Variants in ASAP2 observed in about 807,000 individuals in gnomAD.
ASAP2 encodes the protein arf-GAP with SH3 domain, ANK repeat and PH domain-containing protein 2.
Under a neutral mutation model 131.4 loss-of-function variants are expected in ASAP2, and 45 were observed. The observed-to-expected ratio is 0.34, with a 90% CI of 0.27 to 0.44. The LOEUF (loss-of-function observed/expected upper bound fraction) is 0.44, where lower values mean the gene tolerates loss of function less well. ASAP2 is among the 20% of genes least tolerant of loss of function. ASAP2 has a pLI of 1.00. For synonymous variants in ASAP2, 510 were observed against 503.0 expected (o/e 1.01, Z -0.19); for missense variants, 1,011 against 1,297.0 (o/e 0.78, Z 3.39).
At chr2:9,299,677 G>A (rs1316544141) in intron 3 of ASAP2, among the ~76,000 whole-genome samples, 1 of 152,220 alleles carries the variant, frequency 6.6e-6, no homozygotes, top group East Asian at 1.9e-4. Context: ...GGCTGACGAC[G>A]TAGGAGACGG....
chr2:9,356,175 C>T lies in ASAP2; in HGVS notation c.1161-4C>T. The T allele has an allele frequency of 5.6e-6, 9 of 1,613,764 alleles. No homozygotes were observed. Among genetic ancestry groups the T allele is most frequent in the Non-Finnish European group, 7.6e-6 (9 of 1,179,830 alleles). On this transcript the variant is annotated splice_polypyrimidine_tract_variant and splice_region_variant and intron_variant, in intron 13 of 27. Coordinates refer to ENST00000281419, the MANE Select transcript of ASAP2 (RefSeq NM_003887.3). ...TTAACACAGCGTTGCTCTTGTTTTT[C>T]TAGATGGATGTCTGTGCTGCAAAAT...
At position 9,311,704 on chromosome 2, in the gene ASAP2, C is replaced by T. The variant is rs959323387; in HGVS notation, c.346-6820C>T. On this transcript the variant is annotated intron_variant, in intron 3 of 27. Coordinates refer to ENST00000281419, the MANE Select transcript of ASAP2 (RefSeq NM_003887.3). The surrounding 1 kb of genome is among the most constrained non-coding windows in gnomAD (Gnocchi z 5.2). ...GGCCAGAACTCGAGGATGGCTCGTT[C>T]GGCTGCGGGCCTGAGGCTGCTGGAC... 3.9e-5 allele frequency among the ~76,000 whole-genome samples: 6 copies of T among 152,322 alleles called. No individual in the cohort carries two copies. The highest frequency in any genetic ancestry group is 6.5e-5 in the Admixed American group (1 of 15,306).
At chr2:9,261,114 C>G (rs1000283694) in intron 1 of ASAP2, among the ~76,000 whole-genome samples, 41 of 152,268 alleles carry the variant, frequency 2.7e-4, no homozygotes, top group African/African-American at 7.9e-4. Flanking sequence ...GGACAGCACT[C>G]TTGGTGTGGA....
intron 1 of ASAP2, among the ~76,000 whole-genome samples, chr2:9,245,722 C>G (rs1444683640): frequency 6.6e-6 from 1 of 152,150 alleles, no homozygotes; most frequent in East Asian, 1.9e-4. Context: ...GCTTTCCTTC[C>G]TCCCGTCTCT....
At chr2:9,380,718 C>G in intron 19 of ASAP2, 23 bp from the exon 20 acceptor site, 1 of 1,613,934 alleles carries the variant, frequency 6.2e-7, no homozygotes, top group Non-Finnish European at 8.5e-7. Flanking sequence ...TTAACGCCTC[C>G]TTTGCTCGCC....
chr2:9,322,204 T>C (rs1406650627), intron 5 of ASAP2, among the ~76,000 whole-genome samples: 2 of 152,206 alleles, frequency 1.3e-5, no homozygotes, highest in Non-Finnish European at 2.9e-5. Context: ...CTTCAAATTA[T>C]TGAGAACCTA....
At chr2:9,254,089 C>T (rs1159238604) in intron 1 of ASAP2, among the ~76,000 whole-genome samples, 14 of 149,362 alleles carry the variant, frequency 9.4e-5, no homozygotes, top group African/African-American at 3.5e-4. Context: ...TCCTGTAGTC[C>T]CAGTTACTCA....
intron 15 of ASAP2, among the ~76,000 whole-genome samples, chr2:9,363,394 A>G (rs918632310): frequency 9.2e-5 from 14 of 152,190 alleles, no homozygotes; most frequent in Admixed American, 2.6e-4. Context: ...AATAATTTAC[A>G]TTCCCACCCA....
At chr2:9,303,183 G>A (rs1246785776) in intron 3 of ASAP2, among the ~76,000 whole-genome samples, 2 of 152,120 alleles carry the variant, frequency 1.3e-5, no homozygotes, top group African/African-American at 4.8e-5. Context: ...TTTTTGGGAG[G>A]AAGATTTAAG....
intron 26 of ASAP2, 23 bp downstream of exon 26, chr2:9,400,853 T>G (rs1676601585): frequency 1.9e-6 from 3 of 1,603,988 alleles, no homozygotes; most frequent in Non-Finnish European, 2.6e-6. Context: ...CCCCCTTTCC[T>G]GCCTCTCTGC....
intron 17 of ASAP2, among the ~76,000 whole-genome samples, chr2:9,375,788 A>G (rs938970901): frequency 2.6e-5 from 4 of 152,374 alleles, no homozygotes; most frequent in African/African-American, 9.6e-5. Context: ...ATCTGCAAGC[A>G]GGTTTAACCT....
chr2:9,344,322 C>T (rs990219937), intron 9 of ASAP2, among the ~76,000 whole-genome samples: 11 of 152,172 alleles, frequency 7.2e-5, no homozygotes, highest in Non-Finnish European at 1.5e-5. Flanking sequence ...GGTTTCCTGA[C>T]ATTTCCTTCT....
At chr2:9,382,264 G>A (rs1376846285) in intron 20 of ASAP2, among the ~76,000 whole-genome samples, 3 of 152,152 alleles carry the variant, frequency 2.0e-5, no homozygotes, top group Non-Finnish European at 2.9e-5. Flanking sequence ...GATTATAGGC[G>A]TGAGCCACCA....
At chr2:9,222,471 G>A (rs1421568194) in intron 1 of ASAP2, among the ~76,000 whole-genome samples, 1 of 152,202 alleles carries the variant, frequency 6.6e-6, no homozygotes, top group East Asian at 1.9e-4. Context: ...GCTGGTGAGT[G>A]TGGCTGGTGT....
Position 9,279,406 on chromosome 2 carries a change from C to G in ASAP2, c.199+17C>G. 1.2e-6 allele frequency: 2 copies of G among 1,609,620 alleles called. No individual in the cohort carries two copies. Among genetic ancestry groups the G allele is most frequent in the South Asian group, 1.1e-5 (1 of 90,960 alleles). ...CTGGGCTGGGTGAGTATACATCCTTCCCTAGAGGTTTCTGTGTGGAAAATG... is the reference window on the plus strand; with the variant it reads ...CTGGGCTGGGTGAGTATACATCCTTGCCTAGAGGTTTCTGTGTGGAAAATG... On this transcript the variant is annotated intron_variant, in intron 2 of 27. Coordinates refer to ENST00000281419, the MANE Select transcript of ASAP2 (RefSeq NM_003887.3).
In ASAP2 at chr2:9,304,679, G is replaced by A. The variant is rs549264762; in HGVS notation, c.345+7234G>A. Among the ~76,000 whole-genome samples, 5 of 150,866 alleles carry A rather than the reference G, an allele frequency of 3.3e-5. No homozygotes were observed. In the East Asian group the frequency reaches 7.9e-4, roughly 24 times the overall value. Reference sequence around the variant, plus strand: ...TAGTATTGAGGTATAGATATTGGTGGAGGGGGTGTAATAGTGGGGTATAGA... The same window carrying A: ...TAGTATTGAGGTATAGATATTGGTGAAGGGGGTGTAATAGTGGGGTATAGA... On this transcript the variant is annotated intron_variant, in intron 3 of 27. Transcript: ENST00000281419.
At chr2:9,222,039 C>T (rs1271486193) in intron 1 of ASAP2, among the ~76,000 whole-genome samples, 5 of 151,700 alleles carry the variant, frequency 3.3e-5, no homozygotes, top group East Asian at 1.9e-4. Context: ...CTGCCCGCCT[C>T]GGCCTCCCAA....
chr2:9,229,062 G>A (rs1394543429), intron 1 of ASAP2, among the ~76,000 whole-genome samples: 2 of 152,084 alleles, frequency 1.3e-5, no homozygotes, highest in Non-Finnish European at 2.9e-5. Flanking sequence ...GGCTAGGGGC[G>A]GAAAGTGGAC....
intron 1 of ASAP2, among the ~76,000 whole-genome samples, chr2:9,236,701 A>G (rs1663575758): frequency 6.6e-6 from 1 of 152,208 alleles, no homozygotes; most frequent in African/African-American, 2.4e-5. Flanking sequence ...GTGTGTATGT[A>G]TGAGAGACAC....
Sources: allele counts gnomAD v4.1 joint callset (sites outside exome capture counted in the v4.1 genomes callset), GRCh38; gene constraint gnomAD v4.1.1; non-coding constraint Gnocchi (gnomAD v3.1); transcripts MANE v1.5; gene names NCBI Gene and HGNC (gene_info 2026-07-23, HGNC 2026-07-21).